DOCK1: variants seen among roughly 807,000 people sequenced by gnomAD.
DOCK1 encodes dedicator of cytokinesis protein 1.
A neutral mutation model predicts 262.7 loss-of-function variants in DOCK1; 138 were observed. That is an observed-to-expected ratio of 0.53 (90% CI 0.46 to 0.61). The LOEUF (loss-of-function observed/expected upper bound fraction) is 0.61, where lower values mean the gene tolerates loss of function less well. DOCK1 is among the 20% of genes least tolerant of loss of function. The pLI, the probability that DOCK1 is intolerant of heterozygous loss-of-function variation, is 0.00. For missense variants in DOCK1, 1,908 were observed against 2,370.7 expected, an observed-to-expected ratio of 0.80 and a Z score of 4.05; for synonymous variants, 866 against 867.4, an observed-to-expected ratio of 1.00 and a Z score of 0.03.
chr10:127,328,631 G>A lies in DOCK1; in HGVS notation c.3045-10375G>A, dbSNP rs549847915. On this transcript the variant is annotated intron_variant, in intron 29 of 51. Transcript: ENST00000623213. ...CGGCAGGGATGCGAGGGACGGCAGG[G>A]ACGAGAGGGATGGCAGGGATGGCAG... is the stretch of plus-strand genomic sequence containing the variant. Among the ~76,000 whole-genome samples the A allele has an allele frequency of 4.3e-4, 65 of 152,268 alleles. No individual in the cohort carries two copies. In the Middle Eastern group the frequency reaches 0.01, roughly 24 times the overall value.
chr10:127,003,255 C>T (rs2040733419), intron 10 of DOCK1, among the ~76,000 whole-genome samples: 1 of 151,732 alleles, frequency 6.6e-6, no homozygotes, highest in Non-Finnish European at 1.5e-5. Flanking sequence ...CCCACGTGAA[C>T]CTTTTTGAAC....
At chr10:127,204,391 A>G (rs2057617587) in intron 27 of DOCK1, among the ~76,000 whole-genome samples, 1 of 152,196 alleles carries the variant, frequency 6.6e-6, no homozygotes, top group African/African-American at 2.4e-5. Flanking sequence ...GGTTCAAGCA[A>G]TTCTCCTGCC....
At position 127,037,721 on chromosome 10, in the gene DOCK1, G is replaced by A; in HGVS notation, c.1915G>A (p.Asp639Asn). ...TGATTGTCATTTTCTGTTTCCAGTG[G>A]ACCTTCTGGGGCTCTTGAAATGGCG... ...VCSTKLTQNVDLLGLLKWRSN... is the reference protein window; with the variant it reads ...VCSTKLTQNVNLLGLLKWRSN... Residue 639 changes from aspartate (D) to asparagine (N), a missense_variant and splice_region_variant, in exon 19 of 52, where the codon GAC becomes AAC. Transcript: ENST00000623213. 6.3e-7 allele frequency: 1 copy of A among 1,584,540 alleles called. No homozygotes were observed. The highest frequency in any genetic ancestry group is 1.8e-5 in the Admixed American group (1 of 55,522).
In DOCK1 at chr10:127,018,786, G is replaced by A. The variant is rs749582094; in HGVS notation, c.1278G>A (p.Arg426=). The A allele has an allele frequency of 1.2e-6, 2 of 1,613,978 alleles. No individual in the cohort carries two copies. Among genetic ancestry groups the A allele is most frequent in the South Asian group, 1.1e-5 (1 of 91,060 alleles). ...AAGAGTTTCCGCATTTAGTGGACAG[G>A]ACCACAGCTGTGGCTCGAAAAACAG... ...IRKEFPHLVD[R]TTAVARKTGF... is the part of the protein sequence containing the mutation. The change falls in exon 13 of 52, where the codon AGG becomes AGA. Residue 426 remains arginine, a synonymous_variant. Transcript: ENST00000623213.
chr10:127,353,675 G>T (rs1421442857), intron 31 of DOCK1, among the ~76,000 whole-genome samples: 1 of 152,324 alleles, frequency 6.6e-6, no homozygotes, highest in Non-Finnish European at 1.5e-5. Context: ...GGGCCAAGGC[G>T]CATGGCCTCC....
At chr10:127,026,537 C>T in intron 16 of DOCK1, 113 bp downstream of exon 16, 1 of 925,672 alleles carries the variant, frequency 1.1e-6, no homozygotes, top group East Asian at 2.6e-5. Flanking sequence ...CAATAAGGCT[C>T]ATTTCCCACC....
intron 28 of DOCK1, among the ~76,000 whole-genome samples, chr10:127,255,910 G>T (rs1164546397): frequency 6.6e-6 from 1 of 152,214 alleles, no homozygotes; most frequent in East Asian, 1.9e-4. Context: ...AGGAAACTCA[G>T]TAGTGAAATA....
chr10:127,277,734 G>A (rs2060794662), intron 29 of DOCK1, among the ~76,000 whole-genome samples: 1 of 152,134 alleles, frequency 6.6e-6, no homozygotes, highest in African/African-American at 2.4e-5. Flanking sequence ...CGGTACTCCA[G>A]CCTGGGTGAC....
chr10:126,965,088 G>A (rs2037561392), intron 1 of DOCK1, among the ~76,000 whole-genome samples: 2 of 152,228 alleles, frequency 1.3e-5, no homozygotes, highest in Admixed American at 1.3e-4. Flanking sequence ...GGGAGAGACA[G>A]ACTTACAGAT....
At chr10:126,910,614 T>C (rs1407028046) in intron 1 of DOCK1, among the ~76,000 whole-genome samples, 1 of 152,254 alleles carries the variant, frequency 6.6e-6, no homozygotes, top group Non-Finnish European at 1.5e-5. Flanking sequence ...TAGCCATTAC[T>C]AGTTTCACCT....
chr10:127,172,584 T>TA (rs771647580), intron 27 of DOCK1, among the ~76,000 whole-genome samples: 12 of 152,174 alleles, frequency 7.9e-5, no homozygotes, highest in Non-Finnish European at 1.6e-4. Flanking sequence ...GGGGGCCCCA[T>TA]AAGGTGGCCT....
At chr10:127,099,581 C>G (rs1463978625) in intron 23 of DOCK1, among the ~76,000 whole-genome samples, 1 of 152,088 alleles carries the variant, frequency 6.6e-6, no homozygotes, top group Non-Finnish European at 1.5e-5. Context: ...TGTCACATGG[C>G]AAGAGAGGGA....
In DOCK1 at chr10:127,026,069, A is replaced by AAAAAAAAG. The variant is rs1256628730; in HGVS notation, c.1552-280_1552-279insAAAAGAAA. 4.1e-3 allele frequency: 1,270 copies of AAAAAAAAG among 310,266 alleles called. 27 individuals are homozygous for AAAAAAAAG. Among genetic ancestry groups the AAAAAAAAG allele is most frequent in the African/African-American group, 0.027 (1,156 of 43,442 alleles). The allele number at this position is 310,266 out of a possible 1,614,324, so 19.2% of individuals were successfully genotyped here. ...AGCGAAACTCTGTATCAAAAAAAAA[A>AAAAAAAAG]AAAGAAAGAAAAAAGAATCTTAACA... On this transcript the variant is annotated intron_variant, in intron 15 of 51. Transcript: ENST00000623213.
intron 27 of DOCK1, among the ~76,000 whole-genome samples, chr10:127,190,081 A>G (rs149685346): frequency 4.4e-4 from 67 of 152,342 alleles, no homozygotes; most frequent in Admixed American, 1.4e-3. Context: ...ATCTGACTGC[A>G]GTGAGATACA....
At chr10:127,387,939 A>G (rs2066230391) in intron 38 of DOCK1, among the ~76,000 whole-genome samples, 1 of 152,040 alleles carries the variant, frequency 6.6e-6, no homozygotes, top group African/African-American at 2.4e-5. Context: ...TGGAGGGGCA[A>G]AACGAATGTG....
rs566491257 is a variant in DOCK1, at chr10:127,215,292, C to T, written c.2848-32716C>T. ...CTTCCTGCCCTGCCCTGTCTTCCTT[C>T]CCCTGGTCCACTGGCCTCGGGTTTC... is the stretch of plus-strand genomic sequence containing the variant. On this transcript the variant is annotated intron_variant, in intron 27 of 51. Transcript: ENST00000623213. 5.3e-5 allele frequency among the ~76,000 whole-genome samples: 8 copies of T among 152,266 alleles called. 1 individual carries two copies. Among genetic ancestry groups the T allele is most frequent in the African/African-American group, 1.4e-4 (6 of 41,550 alleles).
intron 27 of DOCK1, among the ~76,000 whole-genome samples, chr10:127,147,822 G>A (rs1403614700): frequency 6.6e-6 from 1 of 151,794 alleles, no homozygotes; most frequent in Non-Finnish European, 1.5e-5. Context: ...CATGAGGTCA[G>A]GAGTTTGAGA....
intron 10 of DOCK1, among the ~76,000 whole-genome samples, chr10:127,002,619 G>A (rs145461792): frequency 6.6e-6 from 1 of 152,252 alleles, no homozygotes; most frequent in East Asian, 1.9e-4. Context: ...AATTACAGAA[G>A]CCTGGGTTAT....
intron 10 of DOCK1, among the ~76,000 whole-genome samples, chr10:127,005,790 C>T (rs941104189): frequency 2.6e-5 from 4 of 151,966 alleles, no homozygotes; most frequent in African/African-American, 4.8e-5. Context: ...TACAATATCC[C>T]GTCCTACCAT....
Sources: allele counts gnomAD v4.1 joint callset (sites outside exome capture counted in the v4.1 genomes callset), GRCh38; gene constraint gnomAD v4.1.1; transcripts MANE v1.5; gene names NCBI Gene and HGNC (gene_info 2026-07-23, HGNC 2026-07-21).